The following NBEAL2 variants were observed in gnomAD, a reference collection of about 807,000 sequenced individuals.
NBEAL2 encodes the protein neurobeachin like 2.
A neutral mutation model predicts 299.8 loss-of-function variants in NBEAL2; 160 were observed. The ratio of observed to expected loss-of-function variants is 0.53; its 90% CI spans 0.47 to 0.61. The LOEUF is 0.61. Ranked by LOEUF, NBEAL2 falls within the 20% of genes least tolerant of loss-of-function variation. The pLI is 0.00. For synonymous variants in NBEAL2, 1,493 were observed against 1,542.3 expected (o/e 0.97, Z 0.75); for missense variants, 3,112 against 3,649.0 (o/e 0.85, Z 3.79).
rs897761152 is a variant in NBEAL2, at chr3:47,009,420, G to T, written c.*100G>T. The T allele has an allele frequency of 7.5e-6, 7 of 928,298 alleles. No homozygotes were observed. The Admixed American group carries it at 1.9e-4, about 26-fold the overall frequency. The allele number at this position is 928,298 out of a possible 1,614,324, so 57.5% of individuals were successfully genotyped here. A position where few individuals can be genotyped will look rare whatever the true frequency, so the allele number is the denominator to read the frequency against. On this transcript the variant is annotated 3_prime_UTR_variant, in exon 54 of 54. Coordinates refer to ENST00000450053, the MANE Select transcript of NBEAL2 (RefSeq NM_015175.3). ...GAACACCCCGGGGTGGGCAGCCCAG[G>T]GGGGTGAGCGGGGCCCACCCTGCCC... is the stretch of plus-strand genomic sequence containing the variant.
intron 39 of NBEAL2, 36 bp from the exon 40 acceptor site, chr3:47,005,145 G>T (rs2037328904): frequency 1.2e-6 from 2 of 1,613,694 alleles, no homozygotes; most frequent in Admixed American, 1.7e-5. Context: ...AAGGCGAGGG[G>T]AGGGCTTCTG....
In NBEAL2 at chr3:46,991,970, T is replaced by G; in HGVS notation, c.1032+24T>G. The G allele has an allele frequency of 6.4e-7, 1 of 1,567,206 alleles. No individual in the cohort carries two copies. On this transcript the variant is annotated intron_variant, in intron 9 of 53. Transcript: ENST00000450053. The surrounding 1 kb of genome is among the most constrained non-coding windows in gnomAD (Gnocchi z 6.2). ...AGGTGGGTAGGGCCCAGCCTGGGGGTGAGGGTCTGGAAGCCAGAGGCTAGG... is the reference window on the plus strand; with the variant it reads ...AGGTGGGTAGGGCCCAGCCTGGGGGGGAGGGTCTGGAAGCCAGAGGCTAGG...
Position 46,992,527 on chromosome 3 carries a change from G to A in NBEAL2, c.1085G>A (p.Arg362Gln), listed in dbSNP as rs771220677. The change falls in exon 10 of 54, where the codon CGG (arginine) becomes CAG (glutamine). Residue 362 changes from arginine to glutamine, a missense_variant. This residue lies in a region of NBEAL2 where 2,243 missense variants were observed against 2,538.1 expected (regional missense o/e 0.88). Transcript: ENST00000450053. ...PPEGDSDLAT[R>Q]LLTEPDVQKV... ...GAGGGGGACAGTGACCTGGCTACCC[G>A]GTTACTGACTGAGCCCGATGTCCAA... 62 of 1,602,714 alleles carry A rather than the reference G, an allele frequency of 3.9e-5. No individual in the cohort carries two copies. The East Asian group carries it at 9.0e-4, about 23-fold the overall frequency.
chr3:46,984,543 C>A (rs2035567799), intron 1 of NBEAL2, among the ~76,000 whole-genome samples: 2 of 152,232 alleles, frequency 1.3e-5, no homozygotes, highest in Non-Finnish European at 2.9e-5. Flanking sequence ...GACCTCCAGT[C>A]CTGGTGATGT....
chr3:46,988,636 C>T lies in NBEAL2; in HGVS notation c.52-33C>T. 1 of 1,581,732 alleles carries T rather than the reference C, an allele frequency of 6.3e-7. No homozygotes were observed. The highest frequency in any genetic ancestry group is 8.7e-7 in the Non-Finnish European group (1 of 1,150,994). On this transcript the variant is annotated intron_variant, in intron 1 of 53. Transcript: ENST00000450053. This position sits in a 1 kb window ranked among gnomAD's most constrained non-coding sequence, Gnocchi z 4.4. ...TGCCCTGTTTACTGCATCCCTCCTG[C>T]CCCCCACCACTGTTCCCCTGTTCTG...
chr3:46,999,241 C>CACCTGCACG, intron 24 of NBEAL2, 74 bp from the exon 25 acceptor site: 2 of 1,553,280 alleles, frequency 1.3e-6, no homozygotes, highest in South Asian at 1.2e-5. Context: ...TTGAGCCACA[C>CACCTGCACG]ACCTGCACGG....
Position 46,998,522 on chromosome 3 carries a change from T to A in NBEAL2, c.3178T>A (p.Tyr1060Asn), listed in dbSNP as rs778604548. The change falls in exon 22 of 54, where the codon TAC becomes AAC. Residue 1060 changes from tyrosine (Y) to asparagine (N), a missense_variant. Tyr to Asn is a moderately radical substitution (Grantham distance 143, BLOSUM62 -2). This residue lies in a region of NBEAL2 where 2,243 missense variants were observed against 2,538.1 expected (regional missense o/e 0.88). Coordinates refer to ENST00000450053, the MANE Select transcript of NBEAL2 (RefSeq NM_015175.3). ...REHRQKLRKKYGVQFILDALR... is the reference protein window; with the variant it reads ...REHRQKLRKKNGVQFILDALR... ...GCACAGACAGAAGCTGCGGAAGAAG[T>A]ACGGCGTCCAGTTTATCTTGGATGC... The A allele has an allele frequency of 1.9e-6, 3 of 1,613,240 alleles. No homozygotes were observed. In the Admixed American group the frequency reaches 5.0e-5, roughly 27 times the overall value.
At chr3:46,980,451 C>A (rs1296782251) in intron 1 of NBEAL2, among the ~76,000 whole-genome samples, 1 of 152,050 alleles carries the variant, frequency 6.6e-6, no homozygotes, top group African/African-American at 2.4e-5. Context: ...CCCCCCACAC[C>A]CCAGCGAACA....
chr3:47,000,974 G>C lies in NBEAL2; in HGVS notation c.4306-27G>C. 2 of 1,569,846 alleles carry C rather than the reference G, an allele frequency of 1.3e-6. No individual in the cohort carries two copies. Among genetic ancestry groups the C allele is most frequent in the Non-Finnish European group, 1.7e-6 (2 of 1,157,568 alleles). ...CCTCCCTTAGCCGCCCACAACCCAC[G>C]CCCACACCACCCACCTGTGCCCACA... On this transcript the variant is annotated intron_variant, in intron 27 of 53. Coordinates refer to ENST00000450053, the MANE Select transcript of NBEAL2 (RefSeq NM_015175.3). The surrounding 1 kb of genome is among the most constrained non-coding windows in gnomAD (Gnocchi z 4.5).
chr3:47,002,657 G>T lies in NBEAL2; in HGVS notation c.5314G>T (p.Glu1772Ter). The change falls in exon 33 of 54, where the codon GAA becomes TAA. Residue 1772 changes from glutamate to a stop codon, truncating the protein, a stop_gained. Coordinates refer to ENST00000450053, the MANE Select transcript of NBEAL2 (RefSeq NM_015175.3). LOFTEE classifies it high-confidence loss of function. ...SRRAFQELVL[E>*]PAQRRARLEG... ...ACCCCCACCCCAGGAGCTGGTGCTGGAACCTGCGCAGAGGCGGGCGCGCCT... is the reference window on the plus strand; with the variant it reads ...ACCCCCACCCCAGGAGCTGGTGCTGTAACCTGCGCAGAGGCGGGCGCGCCT... 1 of 1,609,840 alleles carries T rather than the reference G, an allele frequency of 6.2e-7. No homozygotes were observed. The highest frequency in any genetic ancestry group is 1.7e-5 in the Admixed American group (1 of 59,616).
At position 47,001,364 on chromosome 3, in the gene NBEAL2, C is replaced by A. The variant is rs2036974433; in HGVS notation, c.4570C>A (p.Leu1524Ile). ...CCTGGCCAGCCTCACCCAGCAAGCG[C>A]TTTGGCTGCTGCGTCTGCTGCAGGA... ...GVLASLTQQALWLLRLLQDFL... is the reference protein window; with the variant it reads ...GVLASLTQQAIWLLRLLQDFL... The change falls in exon 29 of 54, where the codon CTT becomes ATT. Residue 1524 changes from leucine (L) to isoleucine (I), a missense_variant. Leu to Ile is a conservative substitution (Grantham distance 5). Transcript: ENST00000450053. The surrounding 1 kb of genome is among the most constrained non-coding windows in gnomAD (Gnocchi z 6.1). The A allele has an allele frequency of 1.2e-6, 2 of 1,613,204 alleles. No homozygotes were observed. Among genetic ancestry groups the A allele is most frequent in the African/African-American group, 2.7e-5 (2 of 74,924 alleles).
intron 52 of NBEAL2, 72 bp from the exon 53 acceptor site, chr3:47,008,917 G>A (rs2037666100): frequency 1.9e-6 from 3 of 1,577,470 alleles, no homozygotes; most frequent in Admixed American, 1.7e-5. Context: ...GGGTATATGG[G>A]ATAAGGGATA....
rs78833073 is a variant in NBEAL2 at position 46,985,192 on chromosome 3, G to A, written c.52-3477G>A. On this transcript the variant is annotated intron_variant, in intron 1 of 53. Coordinates refer to ENST00000450053, the MANE Select transcript of NBEAL2 (RefSeq NM_015175.3). ...ACGCCCTTGGGCCCAGGCATCCAGCGGGTTTGGGGTATGGAGGCTGCAGGT... is the reference window on the plus strand; with the variant it reads ...ACGCCCTTGGGCCCAGGCATCCAGCAGGTTTGGGGTATGGAGGCTGCAGGT... Among the ~76,000 whole-genome samples, 1,196 of 152,298 alleles carry A rather than the reference G, an allele frequency of 7.9e-3. 18 individuals carry two copies. Among genetic ancestry groups the A allele is most frequent in the African/African-American group, 0.028 (1,148 of 41,560 alleles).
chr3:46,986,486 C>T (rs567941639), intron 1 of NBEAL2, among the ~76,000 whole-genome samples: 1 of 152,300 alleles, frequency 6.6e-6, no homozygotes, highest in Admixed American at 6.5e-5. Flanking sequence ...GTTGGACCAG[C>T]AGCCTGGAAT....
In NBEAL2 at chr3:47,007,917, C is replaced by T; in HGVS notation, c.7602+7C>T. The T allele has an allele frequency of 3.1e-6, 5 of 1,610,752 alleles. No individual in the cohort carries two copies. The highest frequency in any genetic ancestry group is 4.2e-6 in the Non-Finnish European group (5 of 1,178,576). On this transcript the variant is annotated splice_region_variant and intron_variant, in intron 49 of 53. Coordinates refer to ENST00000450053, the MANE Select transcript of NBEAL2 (RefSeq NM_015175.3). ...GTGGCGGCTCCTGCATCAGGTGTGC[C>T]TCGTGGGCAGCTCTGTGGGGCCCCC...
At position 46,989,868 on chromosome 3, in the gene NBEAL2, G is replaced by C. The variant is rs2035962675; in HGVS notation, c.556+275G>C. Among the ~76,000 whole-genome samples, 1 of 152,118 alleles carries C rather than the reference G, an allele frequency of 6.6e-6. No homozygotes were observed. Among genetic ancestry groups the C allele is most frequent in the South Asian group, 2.1e-4 (1 of 4,824 alleles). On this transcript the variant is annotated intron_variant, in intron 6 of 53. Coordinates refer to ENST00000450053, the MANE Select transcript of NBEAL2 (RefSeq NM_015175.3). This position sits in a 1 kb window ranked among gnomAD's most constrained non-coding sequence, Gnocchi z 5.5. Reference sequence around the variant, plus strand: ...ATCTCCTGGATCCTTCTAGCCACTTGTACCCTACTGTGATCTTAAAACTCT... The same window carrying C: ...ATCTCCTGGATCCTTCTAGCCACTTCTACCCTACTGTGATCTTAAAACTCT...
rs531384669 is a variant in NBEAL2, at chr3:46,989,295, G to A, written c.387G>A (p.Thr129=). 3.0e-5 allele frequency: 49 copies of A among 1,608,218 alleles called. No individual in the cohort carries two copies. In the Admixed American group the frequency reaches 4.4e-4, roughly 14 times the overall value. The change falls in exon 5 of 54, where the codon ACG becomes ACA. Residue 129 remains threonine, a synonymous_variant. Transcript: ENST00000450053. The surrounding 1 kb of genome is among the most constrained non-coding windows in gnomAD (Gnocchi z 5.5). ...GCCCACCACCCCAGGGCCGAGGCAC[G>A]CAGTTGGAGAATGTGGCCCTACATG... is the stretch of plus-strand genomic sequence containing the variant. ...KGCPPPQGRG[T]QLENVALHAL...
In NBEAL2 at chr3:46,988,648, G is replaced by T. The variant is rs766692078; in HGVS notation, c.52-21G>T. ...TGCATCCCTCCTGCCCCCCACCACT[G>T]TTCCCCTGTTCTGCCTACAGAAGGA... On this transcript the variant is annotated intron_variant, in intron 1 of 53. Coordinates refer to ENST00000450053, the MANE Select transcript of NBEAL2 (RefSeq NM_015175.3). The surrounding 1 kb of genome is among the most constrained non-coding windows in gnomAD (Gnocchi z 4.4). The T allele has an allele frequency of 6.2e-7, 1 of 1,607,864 alleles. No homozygotes were observed.
rs746533737 is a variant in NBEAL2, at chr3:47,000,290, C to T, written c.4191C>T (p.Pro1397=). The T allele has an allele frequency of 1.9e-6, 3 of 1,612,534 alleles. No homozygotes were observed. Among genetic ancestry groups the T allele is most frequent in the South Asian group, 2.2e-5 (2 of 91,080 alleles). The part of the protein sequence containing the change: ...GTPSPLDGPR[P]FPAAPGRHSS... ...CTTCGCCACTGGATGGGCCGCGGCC[C>T]TTTCCTGCTGCTCCTGGCCGCCACA... Residue 1397 remains proline, a synonymous_variant, in exon 27 of 54, where the codon CCC becomes CCT. Transcript: ENST00000450053. This position sits in a 1 kb window ranked among gnomAD's most constrained non-coding sequence, Gnocchi z 4.5.
Sources: gnomAD v4.1 joint callset for allele counts (sites outside exome capture counted in the v4.1 genomes callset) on GRCh38, gnomAD v4.1.1 for gene constraint, gnomAD v4.1.1 regional missense constraint, Gnocchi (gnomAD v3.1) non-coding constraint, MANE v1.5 for transcripts, NCBI Gene and HGNC (gene_info 2026-07-23, HGNC 2026-07-21) for gene names.